Variants in CIITA observed in about 807,000 individuals in gnomAD.
The protein encoded by CIITA is MHC class II transactivator.
Under a neutral mutation model 115.1 loss-of-function variants are expected in CIITA, and 72 were observed. The ratio of observed to expected loss-of-function variants is 0.63; its 90% CI spans 0.52 to 0.76. The LOEUF is 0.76. Among genes scored for constraint, CIITA ranks in the 30% least tolerant of loss-of-function variants. The pLI is 0.00. For synonymous variants in CIITA, 763 were observed against 635.6 expected (o/e 1.20, Z -3.02); for missense variants, 1,617 against 1,463.8 (o/e 1.10, Z -1.71).
intron 8 of CIITA, 32 bp downstream of exon 8, chr16:10,902,833 C>G (rs1344959889): frequency 2.5e-6 from 4 of 1,613,170 alleles, no homozygotes; most frequent in Non-Finnish European, 3.4e-6. Context: ...CCGACCACCT[C>G]TCCCTCCTAC....
chr16:10,922,061 A>C, intron 16 of CIITA, 106 bp from the exon 17 acceptor site: 1 of 991,856 alleles, frequency 1.0e-6, no homozygotes, highest in Non-Finnish European at 1.6e-6. Context: ...TCCTTCCCCC[A>C]GGGATAGTGG....
intron 3 of CIITA, 146 bp from the exon 4 acceptor site, chr16:10,898,524 T>G: frequency 1.8e-6 from 1 of 545,672 alleles, no homozygotes; most frequent in Non-Finnish European, 3.4e-6. Flanking sequence ...TGTTCATTCA[T>G]TTGTTTGATC....
Position 10,934,916 on chromosome 16 carries a change from C to G in CIITA, c.*11061C>G, listed in dbSNP as rs1478637750. ...AAGGCTGCCCACACAGACACACCCT[C>G]CTTGGTAACCAGTCCTCAGGAGGAA... On this transcript the variant is annotated 3_prime_UTR_variant, in exon 20 of 20. Transcript: ENST00000324288. The surrounding 1 kb of genome is among the most constrained non-coding windows in gnomAD (Gnocchi z 4.2). The G allele has an allele frequency of 3.9e-5, 6 of 152,328 alleles. 1 individual carries two copies. In the East Asian group the frequency reaches 1.2e-3, roughly 29 times the overall value. 9.4% of individuals were successfully genotyped at this position (152,328 alleles called of 1,614,324 possible). A position where few individuals can be genotyped will look rare whatever the true frequency, so the allele number is the denominator to read the frequency against.
At chr16:10,866,353 C>A in intron 1 of CIITA, 1 of 568,870 alleles carries the variant, frequency 1.8e-6, no homozygotes, top group Admixed American at 1.9e-5. Context: ...TCAGCCCAGC[C>A]TGGTGCAGGC....
At chr16:10,895,506 T>G in intron 2 of CIITA, 78 bp downstream of exon 2, 1 of 1,599,450 alleles carries the variant, frequency 6.3e-7, no homozygotes, top group South Asian at 1.1e-5. Context: ...CAGGGGAAAT[T>G]CTGGTCCCTG....
Position 10,879,926 on chromosome 16 carries a change from A to G in CIITA, c.52+2544A>G, listed in dbSNP as rs1317787746. Among the ~76,000 whole-genome samples, 1 of 152,186 alleles carries G rather than the reference A, an allele frequency of 6.6e-6. No homozygotes were observed. The highest frequency in any genetic ancestry group is 1.5e-5 in the Non-Finnish European group (1 of 68,020). ...ACAGGAGAGGTGGCAAAAGCCTAGAAGTTCAAGGCATGGCTCCCTCCCCAG... is the reference window on the plus strand; with the variant it reads ...ACAGGAGAGGTGGCAAAAGCCTAGAGGTTCAAGGCATGGCTCCCTCCCCAG... On this transcript the variant is annotated intron_variant, in intron 1 of 19. Coordinates refer to ENST00000324288, the MANE Select transcript of CIITA (RefSeq NM_000246.4). This position sits in a 1 kb window ranked among gnomAD's most constrained non-coding sequence, Gnocchi z 4.3.
At chr16:10,900,352 G>A (rs28509403) in intron 5 of CIITA, among the ~76,000 whole-genome samples, 4,967 of 152,194 alleles carry the variant, frequency 0.033, 247 homozygotes, top group African/African-American at 0.11. Flanking sequence ...GAGAGGACAC[G>A]GTCCTATCTT....
In CIITA at chr16:10,922,823, A is replaced by G; in HGVS notation, c.3317+333A>G. ...CCATTTTTGACCTGTAAAATTGGCAATTTCATATGGTTCAGGTTTATCTTT... is the reference window on the plus strand; with the variant it reads ...CCATTTTTGACCTGTAAAATTGGCAGTTTCATATGGTTCAGGTTTATCTTT... On this transcript the variant is annotated intron_variant, in intron 18 of 19. Transcript: ENST00000324288. 5 of 511,896 alleles carry G rather than the reference A, an allele frequency of 9.8e-6. No homozygotes were observed. In the East Asian group the frequency reaches 1.0e-4, roughly 11 times the overall value. 31.7% of individuals were successfully genotyped at this position (511,896 alleles called of 1,614,324 possible). A position where few individuals can be genotyped will look rare whatever the true frequency, so the allele number is the denominator to read the frequency against.
intron 1 of CIITA, among the ~76,000 whole-genome samples, chr16:10,877,979 G>C (rs982313346): frequency 2.6e-5 from 4 of 152,220 alleles, no homozygotes; most frequent in African/African-American, 7.2e-5. Flanking sequence ...CAGCTACACC[G>C]TTGGCTGGGA....
chr16:10,867,567 G>A (rs896748943), intron 1 of CIITA, among the ~76,000 whole-genome samples: 1 of 152,024 alleles, frequency 6.6e-6, no homozygotes, highest in East Asian at 1.9e-4. Context: ...GAGAGAGAAA[G>A]AGAGAATAAG....
chr16:10,880,971 T>A (rs1159460876), intron 1 of CIITA, among the ~76,000 whole-genome samples: 1 of 152,144 alleles, frequency 6.6e-6, no homozygotes, highest in African/African-American at 2.4e-5. Flanking sequence ...CTAAAGGGAT[T>A]GTTTAGAAAG....
chr16:10,921,279 G>A (rs2040256322), intron 16 of CIITA, among the ~76,000 whole-genome samples: 1 of 152,242 alleles, frequency 6.6e-6, no homozygotes, highest in African/African-American at 2.4e-5. Flanking sequence ...TTGGTGTCGA[G>A]TAAACAGCTG....
In CIITA at chr16:10,909,323, G is replaced by A. The variant is rs151153533; in HGVS notation, c.2816+136G>A. 4.7e-5 allele frequency: 44 copies of A among 937,252 alleles called. No homozygotes were observed. The Middle Eastern group carries it at 1.2e-3, about 25-fold the overall frequency. The allele number at this position is 937,252 out of a possible 1,614,324, so 58.1% of individuals were successfully genotyped here. A position where few individuals can be genotyped will look rare whatever the true frequency, so the allele number is the denominator to read the frequency against. Reference sequence around the variant, plus strand: ...ACCCCATGCCCTCTTTCTGGGCAATGGCTAACCAGAGTCTCTCACTGCACT... The same window carrying A: ...ACCCCATGCCCTCTTTCTGGGCAATAGCTAACCAGAGTCTCTCACTGCACT... On this transcript the variant is annotated intron_variant, in intron 12 of 19. Coordinates refer to ENST00000324288, the MANE Select transcript of CIITA (RefSeq NM_000246.4).
chr16:10,910,417 G>C (rs914885671), intron 13 of CIITA, among the ~76,000 whole-genome samples, 158 bp downstream of exon 13: 1 of 152,224 alleles, frequency 6.6e-6, no homozygotes, highest in East Asian at 1.9e-4. Flanking sequence ...AAAGTGACCA[G>C]TGTGGGCAAA....
chr16:10,909,315 T>G (rs1345250020), intron 12 of CIITA, 128 bp downstream of exon 12: 6 of 979,798 alleles, frequency 6.1e-6, no homozygotes, highest in Non-Finnish European at 9.6e-6. Flanking sequence ...GCCCTCTTTC[T>G]GGGCAATGGC....
At chr16:10,881,819 C>A (rs2036460127) in intron 1 of CIITA, among the ~76,000 whole-genome samples, 1 of 152,156 alleles carries the variant, frequency 6.6e-6, no homozygotes, top group African/African-American at 2.4e-5. Flanking sequence ...ACCCAATAAG[C>A]AATAACTCCC....
chr16:10,895,450 C>G (rs2038026883), intron 2 of CIITA, 22 bp downstream of exon 2: 1 of 1,612,062 alleles, frequency 6.2e-7, no homozygotes, highest in Non-Finnish European at 8.5e-7. Flanking sequence ...TCCCTCTGGT[C>G]TCTTCCGGTA....
chr16:10,870,362 G>A (rs1265705060), intron 1 of CIITA, among the ~76,000 whole-genome samples: 1 of 152,088 alleles, frequency 6.6e-6, no homozygotes, highest in Non-Finnish European at 1.5e-5. Flanking sequence ...TTCTGGAGAT[G>A]GGAGCTTAGG....
At chr16:10,871,889 T>C (rs1596392145) in intron 1 of CIITA, among the ~76,000 whole-genome samples, 1 of 152,302 alleles carries the variant, frequency 6.6e-6, no homozygotes, top group African/African-American at 2.4e-5. Context: ...CCATGGGTTT[T>C]CCCAGGCCAG....
Sources: allele counts gnomAD v4.1 joint callset (sites outside exome capture counted in the v4.1 genomes callset), GRCh38; gene constraint gnomAD v4.1.1; non-coding constraint Gnocchi (gnomAD v3.1); transcripts MANE v1.5; gene names NCBI Gene and HGNC (gene_info 2026-07-23, HGNC 2026-07-21).